The following KMT2B variants were observed in gnomAD, a reference collection of about 807,000 sequenced individuals.
The protein encoded by KMT2B is histone-lysine N-methyltransferase 2B.
In KMT2B, 22 loss-of-function variants were observed where a neutral mutation model predicts 255.3. The ratio of observed to expected loss-of-function variants is 0.09; its 90% CI spans 0.06 to 0.12. KMT2B has a LOEUF of 0.12. KMT2B is among the 10% of genes least tolerant of loss of function. KMT2B has a pLI of 1.00. For synonymous variants in KMT2B, 1,730 were observed against 1,498.1 expected (o/e 1.15, Z -3.57); for missense variants, 3,149 against 3,737.0 (o/e 0.84, Z 4.10).
chr19:35,718,843 G>A lies in KMT2B; in HGVS notation c.363+462G>A, dbSNP rs1017523920. Reference sequence around the variant, plus strand: ...TTTCTCTTGGCATCTCAGGTAGAGTGGTGGAGGGCTTCCTCTTGGGGCTCG... The same window carrying A: ...TTTCTCTTGGCATCTCAGGTAGAGTAGTGGAGGGCTTCCTCTTGGGGCTCG... On this transcript the variant is annotated intron_variant, in intron 1 of 36. Coordinates refer to ENST00000420124, the MANE Select transcript of KMT2B (RefSeq NM_014727.3). The surrounding 1 kb of genome is among the most constrained non-coding windows in gnomAD (Gnocchi z 5.0). 2.0e-5 allele frequency among the ~76,000 whole-genome samples: 3 copies of A among 152,226 alleles called. No homozygotes were observed. The highest frequency in any genetic ancestry group is 4.4e-5 in the Non-Finnish European group (3 of 68,040).
chr19:35,722,937 G>A, intron 5 of KMT2B, 58 bp from the exon 6 acceptor site: 1 of 1,474,464 alleles, frequency 6.8e-7, no homozygotes, highest in Admixed American at 2.6e-5. Context: ...GCAGGGAAGT[G>A]AGGTAGAAGC....
intron 26 of KMT2B, 100 bp downstream of exon 26, chr19:35,730,967 C>T: frequency 1.5e-6 from 2 of 1,326,800 alleles, no homozygotes; most frequent in Non-Finnish European, 1.0e-6. Context: ...AGGAGGCTTG[C>T]TTTTGCTTCA....
chr19:35,731,117 G>A (rs1969673411), intron 26 of KMT2B, among the ~76,000 whole-genome samples: 1 of 152,238 alleles, frequency 6.6e-6, no homozygotes, highest in Non-Finnish European at 1.5e-5. Context: ...GACGACTGCA[G>A]GGAGTAGAGT....
At position 35,726,329 on chromosome 19, in the gene KMT2B, A is replaced by G. The variant is rs751548497; in HGVS notation, c.3979A>G (p.Arg1327Gly). 2 of 1,613,392 alleles carry G rather than the reference A, an allele frequency of 1.2e-6. No individual in the cohort carries two copies. The highest frequency in any genetic ancestry group is 3.3e-5 in the Admixed American group (2 of 60,006). The change falls in exon 14 of 37, where the codon AGG becomes GGG. Residue 1327 changes from arginine to glycine, a missense_variant. Around this residue, in one of 18 missense-constraint regions of KMT2B, gnomAD observed 377 missense variants for 471.0 expected, o/e 0.80. Coordinates refer to ENST00000420124, the MANE Select transcript of KMT2B (RefSeq NM_014727.3). ...EWSGDYSLCP[R>G]CTQLYEKGNY... ...GTCTGGAGATTACAGCCTCTGCCCC[A>G]GGTGCACCCAGCTATATGAGAAAGG...
Position 35,730,626 on chromosome 19 carries a change from C to T in KMT2B, c.5276+10C>T, listed in dbSNP as rs781648559. The T allele has an allele frequency of 9.3e-6, 15 of 1,613,776 alleles. No homozygotes were observed. Among genetic ancestry groups the T allele is most frequent in the East Asian group, 8.9e-5 (4 of 44,880 alleles). On this transcript the variant is annotated intron_variant, in intron 25 of 36. Coordinates refer to ENST00000420124, the MANE Select transcript of KMT2B (RefSeq NM_014727.3). ...TCCCCATTGGCTACCAGTGAGCGGT[C>T]GGGGTGATCCATGGGGCCAGGGGAC...
At chr19:35,726,380 G>A in intron 14 of KMT2B, 27 bp downstream of exon 14, 1 of 1,486,386 alleles carries the variant, frequency 6.7e-7, no homozygotes, top group Non-Finnish European at 9.4e-7. Context: ...GGAACTGGAT[G>A]CTGGGGGCCA....
chr19:35,733,308 G>GC lies in KMT2B; in HGVS notation c.6764dup (p.Pro2256AlafsTer47). 2 of 532,702 alleles carry GC rather than the reference G, an allele frequency of 3.8e-6. No homozygotes were observed. Among genetic ancestry groups the GC allele is most frequent in the Non-Finnish European group, 5.9e-6 (2 of 338,892 alleles). The allele number at this position is 532,702 out of a possible 1,614,324, so 33.0% of individuals were successfully genotyped here. A position where few individuals can be genotyped will look rare whatever the true frequency, so the allele number is the denominator to read the frequency against. On this transcript the variant is annotated frameshift_variant, in exon 28 of 37. Coordinates refer to ENST00000420124, the MANE Select transcript of KMT2B (RefSeq NM_014727.3). LOFTEE classifies it high-confidence loss of function. The surrounding 1 kb of genome is among the most constrained non-coding windows in gnomAD (Gnocchi z 4.3). ...TGGTCGGAGTGGTCCGCCCTGCCCC[G>GC]CCCCCGCCACCCCCTCCCCTGACGC...
At position 35,737,845 on chromosome 19, in the gene KMT2B, C is replaced by T. The variant is rs762835212; in HGVS notation, c.7659-14C>T. 6.4e-7 allele frequency: 1 copy of T among 1,561,588 alleles called. No homozygotes were observed. Among genetic ancestry groups the T allele is most frequent in the Non-Finnish European group, 8.7e-7 (1 of 1,152,058 alleles). Reference sequence around the variant, plus strand: ...CTGAGCACCAGCCTGGGTGACACTGCTGTCCCTCACCAGACGTGCCACCAG... The same window carrying T: ...CTGAGCACCAGCCTGGGTGACACTGTTGTCCCTCACCAGACGTGCCACCAG... On this transcript the variant is annotated splice_polypyrimidine_tract_variant and intron_variant, in intron 34 of 36. Coordinates refer to ENST00000420124, the MANE Select transcript of KMT2B (RefSeq NM_014727.3). The surrounding 1 kb of genome is among the most constrained non-coding windows in gnomAD (Gnocchi z 5.3).
At chr19:35,726,127 C>A in intron 13 of KMT2B, 109 bp from the exon 14 acceptor site, 1 of 790,744 alleles carries the variant, frequency 1.3e-6, no homozygotes, top group Non-Finnish European at 2.2e-6. Flanking sequence ...TCTTACCTGT[C>A]CCTCCTTGCC....
chr19:35,732,553 C>G lies in KMT2B; in HGVS notation c.6004C>G (p.Pro2002Ala), dbSNP rs1241518993. 6.2e-7 allele frequency: 1 copy of G among 1,613,810 alleles called. No individual in the cohort carries two copies. The highest frequency in any genetic ancestry group is 8.5e-7 in the Non-Finnish European group (1 of 1,179,870). ...DFAASLLGTE[P>A]FQEEIVAAGA... ...CGCGGCCAGCCTGCTGGGGACTGAG[C>G]CCTTCCAGGAAGAGATTGTAGCCGC... The change falls in exon 28 of 37, where the codon CCC (proline) becomes GCC (alanine). Residue 2002 changes from proline to alanine, a missense_variant. Transcript: ENST00000420124.
chr19:35,724,061 T>C, intron 8 of KMT2B, 54 bp downstream of exon 8: 2 of 1,502,558 alleles, frequency 1.3e-6, no homozygotes, highest in African/African-American at 1.4e-5. Context: ...CTTGTGTCTT[T>C]TGTGTAGGAG....
Position 35,732,682 on chromosome 19 carries a change from C to A in KMT2B, c.6133C>A (p.Pro2045Thr). Reference protein sequence around the residue: ...IHFPVTVVSAPGLAPSATPGA... With the variant: ...IHFPVTVVSATGLAPSATPGA... ...CTTCCCTGTGACTGTGGTGTCCGCCCCTGGTCTGGCCCCCAGCGCTACCCC... is the reference window on the plus strand; with the variant it reads ...CTTCCCTGTGACTGTGGTGTCCGCCACTGGTCTGGCCCCCAGCGCTACCCC... Residue 2045 changes from proline (P) to threonine (T), a missense_variant, in exon 28 of 37, where the codon CCT becomes ACT. Pro to Thr is a conservative substitution (Grantham distance 38). Coordinates refer to ENST00000420124, the MANE Select transcript of KMT2B (RefSeq NM_014727.3). The A allele has an allele frequency of 6.2e-7, 1 of 1,609,046 alleles. No homozygotes were observed.
At chr19:35,726,435 C>T (rs1035755167) in intron 14 of KMT2B, 82 bp downstream of exon 14, 3 of 909,294 alleles carry the variant, frequency 3.3e-6, no homozygotes, top group South Asian at 2.7e-5. Flanking sequence ...CACAGACCCT[C>T]TTTTCTCATG....
chr19:35,724,086 G>C, intron 8 of KMT2B, 79 bp downstream of exon 8: 1 of 1,363,250 alleles, frequency 7.3e-7, no homozygotes, highest in Non-Finnish European at 9.9e-7. Context: ...AAGGCACCCA[G>C]ACCCAGGGCT....
intron 3 of KMT2B, 132 bp from the exon 4 acceptor site, chr19:35,722,227 A>G: frequency 2.2e-6 from 2 of 913,406 alleles, no homozygotes; most frequent in Non-Finnish European, 3.2e-6. Flanking sequence ...CTGGTCTTGA[A>G]CTCCTGACCT....
intron 5 of KMT2B, 63 bp from the exon 6 acceptor site, chr19:35,722,932 G>T: frequency 1.4e-6 from 2 of 1,469,134 alleles, no homozygotes; most frequent in Non-Finnish European, 1.8e-6. Flanking sequence ...GGAAAGCAGG[G>T]AAGTGAGGTA....
rs1319579188 is a variant in KMT2B, at chr19:35,737,053, C to A, written c.7373-33C>A. On this transcript the variant is annotated intron_variant, in intron 32 of 36. Transcript: ENST00000420124. The surrounding 1 kb of genome is among the most constrained non-coding windows in gnomAD (Gnocchi z 5.3). ...CCCCGAGGGCACCATGGGCCCTCCA[C>A]ATGACAGGTGTGTCCTCAACATCTC... 9.9e-6 allele frequency: 16 copies of A among 1,610,058 alleles called. No homozygotes were observed. Among genetic ancestry groups the A allele is most frequent in the Non-Finnish European group, 1.2e-5 (14 of 1,177,982 alleles).
In KMT2B at chr19:35,733,470, A is replaced by G. The variant is rs1027348633; in HGVS notation, c.6921A>G (p.Ser2307=). ...GGCTGGATGAAGATGGAGAGGCCTC[A>G]GAGGATACCCCTCAGGTTCCAGGGC... ...APRLDEDGEA[S]EDTPQVPGLG... Residue 2307 remains serine, a synonymous_variant, in exon 28 of 37, where the codon TCA becomes TCG. Transcript: ENST00000420124. This position sits in a 1 kb window ranked among gnomAD's most constrained non-coding sequence, Gnocchi z 4.3. The G allele has an allele frequency of 6.4e-6, 10 of 1,564,192 alleles. No homozygotes were observed. In the African/African-American group the frequency reaches 1.2e-4, roughly 19 times the overall value.
Position 35,723,663 on chromosome 19 carries a change from C to A in KMT2B, c.3059-69C>A, listed in dbSNP as rs1015820333. 2.1e-6 allele frequency: 3 copies of A among 1,407,302 alleles called. No individual in the cohort carries two copies. The highest frequency in any genetic ancestry group is 2.4e-5 in the Admixed American group (1 of 41,242). The allele number at this position is 1,407,302 out of a possible 1,614,324, so 87.2% of individuals were successfully genotyped here. ...CGTTCATTCCCTGCCCCGCTTCTTT[C>A]TGGCTTCTCTCCCAGTGTCCCATGT... On this transcript the variant is annotated intron_variant, in intron 7 of 36. Transcript: ENST00000420124. The surrounding 1 kb of genome is among the most constrained non-coding windows in gnomAD (Gnocchi z 7.5).
Sources: gnomAD v4.1 joint callset for allele counts (sites outside exome capture counted in the v4.1 genomes callset) on GRCh38, gnomAD v4.1.1 for gene constraint, gnomAD v4.1.1 regional missense constraint, Gnocchi (gnomAD v3.1) non-coding constraint, MANE v1.5 for transcripts, NCBI Gene and HGNC (gene_info 2026-07-23, HGNC 2026-07-21) for gene names.